CHST15: variants seen among roughly 807,000 people sequenced by gnomAD.
The protein encoded by CHST15 is B cell RAG associated protein (GALNAC4S-6ST).
CHST15 carries 30 observed loss-of-function variants against 53.6 expected under a neutral mutation model. The observed-to-expected ratio is 0.56, with a 90% CI of 0.42 to 0.76. The LOEUF is 0.76. CHST15 is among the 30% of genes least tolerant of loss of function. The pLI is 0.00. For missense variants in CHST15, 627 were observed against 740.5 expected (o/e 0.85, Z 1.78); for synonymous variants, 296 against 289.8 (o/e 1.02, Z -0.22).
intron 5 of CHST15, among the ~76,000 whole-genome samples, chr10:124,027,169 C>T (rs967917468): frequency 2.0e-5 from 3 of 152,172 alleles, no homozygotes; most frequent in Non-Finnish European, 4.4e-5. Context: ...TTTTAGAAGG[C>T]TGTCGGCGCG....
At chr10:124,059,778 C>G (rs1348471008) in intron 1 of CHST15, among the ~76,000 whole-genome samples, 2 of 152,170 alleles carry the variant, frequency 1.3e-5, no homozygotes, top group South Asian at 2.1e-4. Flanking sequence ...CCGGGTAGTT[C>G]TAAACATTGT....
chr10:124,023,008 T>C (rs1376729834), intron 5 of CHST15, among the ~76,000 whole-genome samples: 1 of 151,808 alleles, frequency 6.6e-6, no homozygotes, highest in African/African-American at 2.4e-5. Context: ...TTCGTAGAGA[T>C]GGGGTTTCAC....
intron 1 of CHST15, among the ~76,000 whole-genome samples, chr10:124,077,484 T>C (rs1338434149): frequency 6.6e-6 from 1 of 152,020 alleles, no homozygotes; most frequent in African/African-American, 2.4e-5. Context: ...GTCTGTCAAA[T>C]TTACGAGCCG....
chr10:124,010,985 C>T (rs537653815), intron 7 of CHST15: 1 of 983,886 alleles, frequency 1.0e-6, no homozygotes, highest in African/African-American at 1.8e-5. Flanking sequence ...TGGAGTGAGG[C>T]GAGGCCCTGG....
chr10:124,066,460 GA>G (rs58739908), intron 1 of CHST15, among the ~76,000 whole-genome samples: 45,730 of 145,780 alleles, frequency 0.31, 6,978 homozygotes, highest in Middle Eastern at 0.4. Context: ...CTGGGGGAAA[GA>G]AAAAAAAAAA....
chr10:124,037,233 G>T (rs1252730056), intron 5 of CHST15, among the ~76,000 whole-genome samples: 1 of 152,162 alleles, frequency 6.6e-6, no homozygotes, highest in African/African-American at 2.4e-5. Context: ...CATACACACT[G>T]GGGGAGACAA....
At chr10:124,087,816 G>A (rs546088976) in intron 1 of CHST15, among the ~76,000 whole-genome samples, 3 of 150,274 alleles carry the variant, frequency 2.0e-5, no homozygotes, top group East Asian at 4.1e-4. Flanking sequence ...AGAGCCACGC[G>A]GTCTCCTCTC....
intron 1 of CHST15, chr10:124,092,576 T>G (rs1226319861): frequency 6.6e-6 from 1 of 152,462 alleles, no homozygotes; most frequent in East Asian, 1.9e-4. Context: ...CCCCCTTCCC[T>G]GAACCGGGTC....
intron 1 of CHST15, among the ~76,000 whole-genome samples, chr10:124,063,693 A>C (rs1399449298): frequency 6.6e-6 from 1 of 152,226 alleles, no homozygotes; most frequent in Admixed American, 6.5e-5. Context: ...GGAAAAGTGA[A>C]CATTCAATAA....
intron 1 of CHST15, among the ~76,000 whole-genome samples, chr10:124,071,904 G>A (rs917380618): frequency 6.6e-6 from 1 of 152,226 alleles, no homozygotes; most frequent in Non-Finnish European, 1.5e-5. Context: ...TGACCCTGTG[G>A]AGCAGCAGAC....
chr10:124,026,242 A>G (rs962767168), intron 5 of CHST15, among the ~76,000 whole-genome samples: 1 of 152,136 alleles, frequency 6.6e-6, no homozygotes, highest in African/African-American at 2.4e-5. Flanking sequence ...CAGACAGGGG[A>G]GCACTGAGAC....
At chr10:124,031,363 G>A (rs536295007) in intron 5 of CHST15, among the ~76,000 whole-genome samples, 2 of 152,340 alleles carry the variant, frequency 1.3e-5, no homozygotes, top group South Asian at 2.1e-4. Context: ...GCATCAGTAG[G>A]TGATGTCATT....
intron 1 of CHST15, among the ~76,000 whole-genome samples, chr10:124,092,702 C>A (rs1329399794): frequency 6.6e-6 from 1 of 152,178 alleles, no homozygotes; most frequent in Non-Finnish European, 1.5e-5. Context: ...TGGCGGATGC[C>A]CACTTACCTG....
rs1469448537 is a variant in CHST15, at chr10:124,046,175, G to C, written c.38C>G (p.Pro13Arg). Residue 13 changes from proline (P) to arginine (R), a missense_variant, in exon 2 of 8, where the codon CCC becomes CGC. Around this residue, in one of 3 missense-constraint regions of CHST15, gnomAD observed 187 missense variants for 251.8 expected, o/e 0.74. Coordinates refer to ENST00000435907, the MANE Select transcript of CHST15 (RefSeq NM_001270764.2). Reference protein sequence around the residue: ...HCINCCIQLLPDGAHKQQVNC... With the variant: ...HCINCCIQLLRDGAHKQQVNC... ...GACCTGCTGCTTGTGTGCGCCGTCG[G>C]GTAACAGCTGTATGCAGCAATTAAT... 1 of 1,613,070 alleles carries C rather than the reference G, an allele frequency of 6.2e-7. No homozygotes were observed. Among genetic ancestry groups the C allele is most frequent in the Admixed American group, 1.7e-5 (1 of 59,990 alleles).
At chr10:124,069,879 T>G (rs1178820259) in intron 1 of CHST15, among the ~76,000 whole-genome samples, 2 of 152,140 alleles carry the variant, frequency 1.3e-5, no homozygotes, top group Non-Finnish European at 2.9e-5. Context: ...CCATGACATG[T>G]GGAATATACT....
chr10:124,019,997 C>A lies in CHST15; in HGVS notation c.1347+1259G>T. On this transcript the variant is annotated intron_variant, in intron 6 of 7. Coordinates refer to ENST00000435907, the MANE Select transcript of CHST15 (RefSeq NM_001270764.2). This position sits in a 1 kb window ranked among gnomAD's most constrained non-coding sequence, Gnocchi z 4.6. ...CACAGACATTCCCTCTCCTAAGAAC[C>A]TGCCTGAAGCCCCGTTCTCAGGTGG... The A allele has an allele frequency of 1.0e-6, 1 of 985,610 alleles. No individual in the cohort carries two copies. Among genetic ancestry groups the A allele is most frequent in the Non-Finnish European group, 1.2e-6 (1 of 830,080 alleles). The allele number at this position is 985,610 out of a possible 1,614,324, so 61.1% of individuals were successfully genotyped here. A position where few individuals can be genotyped will look rare whatever the true frequency, so the allele number is the denominator to read the frequency against.
chr10:124,056,524 G>C (rs900620137), intron 1 of CHST15, among the ~76,000 whole-genome samples: 1 of 152,244 alleles, frequency 6.6e-6, no homozygotes, highest in East Asian at 1.9e-4. Flanking sequence ...GTAGAGGCTG[G>C]CCTGGTGCCA....
chr10:124,010,664 A>G (rs1946385691), intron 7 of CHST15: 1 of 985,390 alleles, frequency 1.0e-6, no homozygotes, highest in Non-Finnish European at 1.2e-6. Context: ...GCTGCTCTCC[A>G]TGGGTGTCAG....
intron 1 of CHST15, among the ~76,000 whole-genome samples, chr10:124,056,316 G>A (rs1237845424): frequency 1.3e-5 from 2 of 152,214 alleles, no homozygotes; most frequent in Non-Finnish European, 2.9e-5. Flanking sequence ...AAGCATCCCA[G>A]GAGGCAGCTG....
Sources: allele counts gnomAD v4.1 joint callset (sites outside exome capture counted in the v4.1 genomes callset), GRCh38; gene constraint gnomAD v4.1.1; regional missense constraint gnomAD v4.1.1; non-coding constraint Gnocchi (gnomAD v3.1); transcripts MANE v1.5; gene names NCBI Gene and HGNC (gene_info 2026-07-23, HGNC 2026-07-21).